The following PRMT7 variants were observed in gnomAD, a reference collection of about 807,000 sequenced individuals.
The protein encoded by PRMT7 is protein arginine N-methyltransferase 7.
In PRMT7, 75 loss-of-function variants were observed where a neutral mutation model predicts 85.4. That is an observed-to-expected ratio of 0.88 (90% CI 0.73 to 1.06). The LOEUF (loss-of-function observed/expected upper bound fraction) is 1.06, where lower values mean the gene tolerates loss of function less well. Ranked by LOEUF, PRMT7 falls within the 50% of genes least tolerant of loss-of-function variation. The probability of loss-of-function intolerance (pLI) is 0.00; values close to 1 mark genes in which losing one functional copy is unlikely to be tolerated. For synonymous variants in PRMT7, 397 were observed against 359.5 expected, an observed-to-expected ratio of 1.10 and a Z score of -1.18; for missense variants, 868 against 915.2, an observed-to-expected ratio of 0.95 and a Z score of 0.67.
rs1200089209 is a variant in PRMT7 at position 68,329,901 on chromosome 16, ATT to A, written c.391+736_391+737del. Among the ~76,000 whole-genome samples the A allele has an allele frequency of 3.7e-3, 541 of 147,914 alleles. 3 individuals carry two copies. Among genetic ancestry groups the A allele is most frequent in the African/African-American group, 0.013 (510 of 40,278 alleles). On this transcript the variant is annotated intron_variant, in intron 6 of 18. Transcript: ENST00000441236. The stretch of plus-strand genomic sequence containing the variant: ...TACACACACACACACACACACACAT[ATT>A]TTTTTTTTGAGACGGAATCTCACTG...
chr16:68,337,232 C>T (rs2084833983), intron 6 of PRMT7, among the ~76,000 whole-genome samples: 1 of 150,010 alleles, frequency 6.7e-6, no homozygotes, highest in African/African-American at 2.4e-5. Flanking sequence ...GATCCCTTAC[C>T]CTAGATTTAT....
chr16:68,333,394 T>C (rs2084191265), intron 6 of PRMT7, among the ~76,000 whole-genome samples: 2 of 151,706 alleles, frequency 1.3e-5, no homozygotes, highest in Non-Finnish European at 2.9e-5. Context: ...GGCAGGAGAA[T>C]TGCTTGAACC....
intron 1 of PRMT7, chr16:68,311,635 TGAG>T (rs1293664257): frequency 1.3e-5 from 2 of 152,306 alleles, no homozygotes; most frequent in South Asian, 2.1e-4. Flanking sequence ...TGATAGGAGA[TGAG>T]GAGCGGGGGG....
intron 1 of PRMT7, 161 bp from the exon 2 acceptor site, chr16:68,311,881 C>G (rs751256153): frequency 1.3e-5 from 2 of 152,300 alleles, no homozygotes; most frequent in Non-Finnish European, 2.9e-5. Flanking sequence ...GTATTTCTTG[C>G]ATTCATGTAG....
chr16:68,338,869 C>CAA lies in PRMT7; in HGVS notation c.505-453_505-452insAA, dbSNP rs1597351707. Among the ~76,000 whole-genome samples the CAA allele has an allele frequency of 2.0e-5, 3 of 152,214 alleles. No homozygotes were observed. In the East Asian group the frequency reaches 5.8e-4, roughly 29 times the overall value. The stretch of plus-strand genomic sequence containing the variant: ...GGAGAGCCGGACAAGGAGCCGGAGC[C>CAA]GGAGCCACAGCCCTAGGGGCTGAGT... On this transcript the variant is annotated intron_variant, in intron 7 of 18. Transcript: ENST00000441236.
intron 5 of PRMT7, among the ~76,000 whole-genome samples, chr16:68,326,869 C>A (rs2083184178): frequency 6.6e-6 from 1 of 152,078 alleles, no homozygotes; most frequent in Non-Finnish European, 1.5e-5. Context: ...TACCAGCTTG[C>A]AGGTTCAGGG....
downstream of PRMT7, chr16:68,360,795 C>T (rs1451505875): frequency 5.8e-6 from 1 of 172,756 alleles, no homozygotes; most frequent in Non-Finnish European, 1.2e-5. Flanking sequence ...ACGTGGCATG[C>T]GGGCAGCGTG....
In PRMT7 at chr16:68,337,370, C is replaced by T. The variant is rs910378302; in HGVS notation, c.392-89C>T. On this transcript the variant is annotated intron_variant, in intron 6 of 18. Coordinates refer to ENST00000441236, the MANE Select transcript of PRMT7 (RefSeq NM_019023.5). ...GTATATGTGCTTTTAGCGTGATGGC[C>T]CCTTAACCACTTATCTTTCCCATAT... is the stretch of plus-strand genomic sequence containing the variant. 3.4e-5 allele frequency: 29 copies of T among 851,520 alleles called. No homozygotes were observed. The African/African-American group carries it at 4.1e-4, about 12-fold the overall frequency. The allele number at this position is 851,520 out of a possible 1,614,324, so 52.7% of individuals were successfully genotyped here.
At chr16:68,347,107 C>T in intron 11 of PRMT7, 104 bp from the exon 12 acceptor site, 1 of 1,082,968 alleles carries the variant, frequency 9.2e-7, no homozygotes, top group Non-Finnish European at 1.4e-6. Context: ...GGTCTGAGGT[C>T]TGGGCAAGTG....
At chr16:68,346,895 A>G (rs2086482257) in intron 11 of PRMT7, among the ~76,000 whole-genome samples, 1 of 152,122 alleles carries the variant, frequency 6.6e-6, no homozygotes, top group Non-Finnish European at 1.5e-5. Flanking sequence ...GGAGGCTCTC[A>G]GCTGTCTGTG....
intron 16 of PRMT7, chr16:68,354,737 T>A (rs890098523): frequency 1.3e-5 from 2 of 152,678 alleles, no homozygotes; most frequent in Non-Finnish European, 2.9e-5. Flanking sequence ...CTGATACGGT[T>A]CTGCTACTCT....
Position 68,311,133 on chromosome 16 carries a change from G to C in PRMT7, c.-219+34G>C, listed in dbSNP as rs3743742. ...CTGGGTATGCTGGGAAGGTGGGGTC[G>C]CTTTGGGGTTCTGTGTGCAGCGAGC... is the stretch of plus-strand genomic sequence containing the variant. On this transcript the variant is annotated intron_variant, in intron 1 of 18. Coordinates refer to ENST00000441236, the MANE Select transcript of PRMT7 (RefSeq NM_019023.5). 121 of 671,584 alleles carry C rather than the reference G, an allele frequency of 1.8e-4. 2 individuals carry two copies. In the African/African-American group the frequency reaches 2.0e-3, roughly 11 times the overall value. 41.6% of individuals were successfully genotyped at this position (671,584 alleles called of 1,614,324 possible).
At chr16:68,339,204 G>T in intron 7 of PRMT7, 118 bp from the exon 8 acceptor site, 2 of 1,279,840 alleles carry the variant, frequency 1.6e-6, no homozygotes, top group South Asian at 2.7e-5. Context: ...ATAGTATAAG[G>T]TGTTGGGCAT....
intron 3 of PRMT7, among the ~76,000 whole-genome samples, chr16:68,319,206 T>C (rs2151401402): frequency 6.6e-6 from 1 of 152,218 alleles, no homozygotes; most frequent in East Asian, 1.9e-4. Flanking sequence ...TTTGTAGTTG[T>C]TGGAACTGAA....
chr16:68,331,753 C>T (rs1033341674), intron 6 of PRMT7, among the ~76,000 whole-genome samples: 4 of 152,200 alleles, frequency 2.6e-5, no homozygotes, highest in Non-Finnish European at 5.9e-5. Context: ...GGATTACAGG[C>T]GTGGGCCGCT....
chr16:68,318,521 AT>A (rs1196815115), intron 3 of PRMT7, among the ~76,000 whole-genome samples: 14 of 151,644 alleles, frequency 9.2e-5, no homozygotes, highest in Non-Finnish European at 2.1e-4. Context: ...ATTTCTAAAC[AT>A]TTTGGACATT....
At chr16:68,327,124 C>T (rs974405916) in intron 5 of PRMT7, among the ~76,000 whole-genome samples, 2 of 152,062 alleles carry the variant, frequency 1.3e-5, no homozygotes, top group Non-Finnish European at 2.9e-5. Context: ...GAGCTGCTCA[C>T]GTAAGTACTC....
chr16:68,337,375 A>G, intron 6 of PRMT7, 84 bp from the exon 7 acceptor site: 1 of 925,706 alleles, frequency 1.1e-6, no homozygotes, highest in East Asian at 2.5e-5. Context: ...ATGGCCCCTT[A>G]ACCACTTATC....
Position 68,355,760 on chromosome 16 carries a change from C to A in PRMT7, c.1688C>A (p.Pro563His). 1 of 1,609,972 alleles carries A rather than the reference C, an allele frequency of 6.2e-7. No individual in the cohort carries two copies. Among genetic ancestry groups the A allele is most frequent in the Non-Finnish European group, 8.5e-7 (1 of 1,178,092 alleles). ...TTCAGGGAGAGCAGGGAAGCTGAGCCCCACCCGCTGTGGGAGTACCCATGC... is the reference window on the plus strand; with the variant it reads ...TTCAGGGAGAGCAGGGAAGCTGAGCACCACCCGCTGTGGGAGTACCCATGC... ...LDFRESREAE[P>H]HPLWEYPCRS... The change falls in exon 17 of 19, where the codon CCC (proline) becomes CAC (histidine). Residue 563 changes from proline to histidine, a missense_variant. Physicochemically the swap from Pro to His is moderately conservative, Grantham distance 77 (BLOSUM62 -2). Coordinates refer to ENST00000441236, the MANE Select transcript of PRMT7 (RefSeq NM_019023.5).
Sources: allele counts gnomAD v4.1 joint callset (sites outside exome capture counted in the v4.1 genomes callset), GRCh38; gene constraint gnomAD v4.1.1; transcripts MANE v1.5; gene names NCBI Gene and HGNC (gene_info 2026-07-23, HGNC 2026-07-21).